Variants in SLC25A13 observed in about 807,000 individuals in gnomAD.
SLC25A13 encodes solute carrier family 25 member 13.
Under a neutral mutation model 85.5 loss-of-function variants are expected in SLC25A13, and 70 were observed. The observed-to-expected ratio is 0.82, with a 90% confidence interval of 0.68 to 1.00. The LOEUF (loss-of-function observed/expected upper bound fraction) is 1.00. Ranked by LOEUF, SLC25A13 falls within the 50% of genes least tolerant of loss-of-function variation. The pLI is 0.00. For missense variants in SLC25A13, 765 were observed against 819.8 expected (o/e 0.93, Z 0.82); for synonymous variants, 259 against 288.7 (o/e 0.90, Z 1.04).
chr7:96,168,042 G>A (rs1793830708), intron 13 of SLC25A13, among the ~76,000 whole-genome samples: 2 of 136,528 alleles, frequency 1.5e-5, no homozygotes, highest in African/African-American at 5.3e-5. Flanking sequence ...GGAGGCTGCA[G>A]TGAGCCAAGA....
chr7:96,204,888 C>T (rs1001094383), intron 5 of SLC25A13, among the ~76,000 whole-genome samples: 3 of 152,010 alleles, frequency 2.0e-5, no homozygotes, highest in African/African-American at 7.2e-5. Context: ...CAAAAAATAC[C>T]GAGTTTTAGG....
rs148237054 is a variant in SLC25A13 at position 96,246,614 on chromosome 7, C to T, written c.213-11697G>A. Among the ~76,000 whole-genome samples the T allele has an allele frequency of 3.5e-3, 535 of 152,162 alleles. 1 individual carries two copies. The highest frequency in any genetic ancestry group is 0.012 in the African/African-American group (496 of 41,498). On this transcript the variant is annotated intron_variant, in intron 3 of 17. Coordinates refer to ENST00000265631, the MANE Select transcript of SLC25A13 (RefSeq NM_014251.3). ...CATGAAATCAAAATTATACTGATTC[C>T]TCTTTGAGAAACATTATCAATTACT...
intron 2 of SLC25A13, 132 bp downstream of exon 2, chr7:96,296,766 C>A (rs1390651477): frequency 9.3e-6 from 8 of 860,544 alleles, no homozygotes; most frequent in Non-Finnish European, 1.5e-5. Flanking sequence ...CAGGCATGAG[C>A]CACCGTGCCG....
chr7:96,306,433 G>T (rs2060784937), intron 1 of SLC25A13, among the ~76,000 whole-genome samples: 1 of 152,244 alleles, frequency 6.6e-6, no homozygotes, highest in Non-Finnish European at 1.5e-5. Context: ...TCTTACTGGT[G>T]TAAGAATAGA....
chr7:96,208,977 T>C lies in SLC25A13; in HGVS notation c.329A>G (p.Glu110Gly). The C allele has an allele frequency of 6.2e-7, 1 of 1,613,952 alleles. No individual in the cohort carries two copies. The highest frequency in any genetic ancestry group is 8.5e-7 in the Non-Finnish European group (1 of 1,179,928). The part of the protein sequence containing the change: ...DKAGKGEVTF[E>G]DVKQVFGQTT... ...CTGTCCAAAAACTTGCTTAACATCC[T>C]CTGAAAAGAGAAAAGACAGGTTGAT... Residue 110 changes from glutamate (E) to glycine (G), a missense_variant and splice_region_variant, in exon 5 of 18, where the codon GAG becomes GGG. Physicochemically the swap from Glu to Gly is moderately conservative, Grantham distance 98. Coordinates refer to ENST00000265631, the MANE Select transcript of SLC25A13 (RefSeq NM_014251.3).
At position 96,170,231 on chromosome 7, in the gene SLC25A13, T is replaced by C. The variant is rs6969912; in HGVS notation, c.1231-106A>G. ...TATGCTATTTTTTTCTATCAGTCTA[T>C]TGGAGTAATCATAAATTGCACAATT... On this transcript the variant is annotated intron_variant, in intron 12 of 17. Transcript: ENST00000265631. 3.8e-3 allele frequency: 3,669 copies of C among 977,820 alleles called. 97 individuals are homozygous for C. The African/African-American group carries it at 0.052, about 14-fold the overall frequency. 60.6% of individuals were successfully genotyped at this position (977,820 alleles called of 1,614,324 possible).
intron 4 of SLC25A13, among the ~76,000 whole-genome samples, chr7:96,211,892 C>T (rs1795711778): frequency 6.6e-6 from 1 of 152,210 alleles, no homozygotes; most frequent in African/African-American, 2.4e-5. Context: ...GCTGAAAAAA[C>T]TGCATTTTAG....
At chr7:96,243,912 T>C (rs1284659681) in intron 3 of SLC25A13, among the ~76,000 whole-genome samples, 2 of 152,084 alleles carry the variant, frequency 1.3e-5, no homozygotes, top group East Asian at 3.9e-4. Context: ...AATCAGCTGC[T>C]GTTGAAGGGT....
At chr7:96,164,392 G>C (rs550355521) in intron 13 of SLC25A13, among the ~76,000 whole-genome samples, 24 of 152,312 alleles carry the variant, frequency 1.6e-4, no homozygotes, top group African/African-American at 5.8e-4. Flanking sequence ...CCATGGGAAA[G>C]AGACAGAAAC....
intron 13 of SLC25A13, among the ~76,000 whole-genome samples, chr7:96,169,017 G>A (rs1418206474): frequency 6.6e-6 from 1 of 152,150 alleles, no homozygotes; most frequent in Admixed American, 6.5e-5. Flanking sequence ...TAAAGTTACA[G>A]AACAAGGGGA....
chr7:96,315,482 A>C (rs1212906395), intron 1 of SLC25A13, among the ~76,000 whole-genome samples: 2 of 152,210 alleles, frequency 1.3e-5, no homozygotes, highest in Non-Finnish European at 2.9e-5. Flanking sequence ...AAAGGCATTC[A>C]TGGGAATTTG....
chr7:96,257,167 G>A (rs752223660), intron 3 of SLC25A13, among the ~76,000 whole-genome samples: 3 of 152,078 alleles, frequency 2.0e-5, no homozygotes, highest in South Asian at 2.1e-4. Flanking sequence ...AGAAGCAAGA[G>A]CAAACACATT....
chr7:96,306,296 G>T (rs1799740044), intron 1 of SLC25A13, among the ~76,000 whole-genome samples: 1 of 152,242 alleles, frequency 6.6e-6, no homozygotes, highest in Non-Finnish European at 1.5e-5. Flanking sequence ...TGATTTCTGA[G>T]CATCCCCCAG....
intron 5 of SLC25A13, among the ~76,000 whole-genome samples, chr7:96,203,510 T>C (rs148850473): frequency 5.1e-4 from 77 of 152,302 alleles, no homozygotes; most frequent in African/African-American, 1.7e-3. Context: ...TCAGCTTTCA[T>C]AGGGAAACAA....
chr7:96,292,554 T>C (rs1293174391), intron 2 of SLC25A13, among the ~76,000 whole-genome samples: 1 of 152,212 alleles, frequency 6.6e-6, no homozygotes, highest in Admixed American at 6.5e-5. Context: ...CAAAATCTCC[T>C]TCAGCTGATA....
chr7:96,213,066 GA>G (rs982262413), intron 4 of SLC25A13, among the ~76,000 whole-genome samples: 2 of 151,928 alleles, frequency 1.3e-5, no homozygotes, highest in Admixed American at 1.3e-4. Context: ...TGTTCCTCTG[GA>G]AAACTCACAC....
chr7:96,240,566 A>T (rs1315238039), intron 3 of SLC25A13, among the ~76,000 whole-genome samples: 1 of 152,102 alleles, frequency 6.6e-6, no homozygotes, highest in African/African-American at 2.4e-5. Context: ...TATTTGCTGG[A>T]GGAAAACTAG....
chr7:96,201,132 C>A (rs1161789545), intron 5 of SLC25A13, among the ~76,000 whole-genome samples: 1 of 152,124 alleles, frequency 6.6e-6, no homozygotes, highest in Non-Finnish European at 1.5e-5. Context: ...ACATCACAGA[C>A]CCCACCTGAT....
At chr7:96,215,699 G>C (rs575067534) in intron 4 of SLC25A13, among the ~76,000 whole-genome samples, 1 of 151,892 alleles carries the variant, frequency 6.6e-6, no homozygotes, top group African/African-American at 2.4e-5. Context: ...AGAAAATATA[G>C]GCATATTTTC....
Sources: gnomAD v4.1 joint callset for allele counts (sites outside exome capture counted in the v4.1 genomes callset) on GRCh38, gnomAD v4.1.1 for gene constraint, MANE v1.5 for transcripts, NCBI Gene and HGNC (gene_info 2026-07-23, HGNC 2026-07-21) for gene names.